PARD3: variants seen among roughly 807,000 people sequenced by gnomAD.
The protein encoded by PARD3 is par-3 family cell polarity regulator, also known as partitioning defective 3 homolog.
A neutral mutation model predicts 155.4 loss-of-function variants in PARD3; 75 were observed. The observed-to-expected ratio is 0.48, with a 90% CI of 0.40 to 0.58. The LOEUF (loss-of-function observed/expected upper bound fraction) is 0.58, where lower values mean the gene tolerates loss of function less well. PARD3 is among the 20% of genes least tolerant of loss of function. PARD3 has a pLI of 0.00. For missense variants in PARD3, 1,642 were observed against 1,721.7 expected (o/e 0.95, Z 0.82); for synonymous variants, 576 against 610.5 (o/e 0.94, Z 0.83).
intron 1 of PARD3, among the ~76,000 whole-genome samples, chr10:34,804,941 T>G (rs2134367097): frequency 6.6e-6 from 1 of 152,370 alleles, no homozygotes; most frequent in East Asian, 1.9e-4. Context: ...CAAGTTGATT[T>G]CTTAAGTGTT....
intron 19 of PARD3, among the ~76,000 whole-genome samples, chr10:34,328,109 G>A (rs1341352050): frequency 6.6e-6 from 1 of 152,182 alleles, no homozygotes; most frequent in African/African-American, 2.4e-5. Flanking sequence ...TCAGTTTTAT[G>A]TAAGCTGACA....
intron 1 of PARD3, among the ~76,000 whole-genome samples, chr10:34,798,291 C>T (rs557829151): frequency 6.6e-6 from 1 of 151,810 alleles, no homozygotes; most frequent in East Asian, 1.9e-4. Flanking sequence ...GATGGCACCA[C>T]TATACTCCAA....
At chr10:34,648,164 C>T (rs1474421277) in intron 2 of PARD3, among the ~76,000 whole-genome samples, 1 of 152,216 alleles carries the variant, frequency 6.6e-6, no homozygotes, top group Non-Finnish European at 1.5e-5. Flanking sequence ...TCTTAAAATG[C>T]ATATGTGAAC....
chr10:34,464,039 C>T (rs1051970115), intron 4 of PARD3, among the ~76,000 whole-genome samples: 1 of 151,586 alleles, frequency 6.6e-6, no homozygotes, highest in South Asian at 2.1e-4. Context: ...TGTCATTAAG[C>T]AAGGCATGAC....
At chr10:34,360,356 G>C in intron 12 of PARD3, 97 bp from the exon 13 acceptor site, 1 of 798,846 alleles carries the variant, frequency 1.3e-6, no homozygotes, top group Non-Finnish European at 2.0e-6. Context: ...TTAATCATAA[G>C]AGGCAAAATA....
chr10:34,500,828 G>A (rs1319077383), intron 3 of PARD3, among the ~76,000 whole-genome samples: 3 of 152,096 alleles, frequency 2.0e-5, no homozygotes, highest in African/African-American at 7.2e-5. Context: ...AGTAAAATAA[G>A]TCATACAGAA....
rs1009630162 is a variant in PARD3 at position 34,458,596 on chromosome 10, C to G, written c.583-8148G>C. ...GACCACTGCAATCCAGTCTGGGCAA[C>G]AGAGAGAGATCCTCTCTCAAAACAA... On this transcript the variant is annotated intron_variant, in intron 4 of 24. Coordinates refer to ENST00000374788, the MANE Select transcript of PARD3 (RefSeq NM_001184785.2). Among the ~76,000 whole-genome samples, 8 of 152,250 alleles carry G rather than the reference C, an allele frequency of 5.3e-5. No homozygotes were observed. The South Asian group carries it at 6.2e-4, about 12-fold the overall frequency.
At chr10:34,407,578 G>C (rs545644012) in intron 5 of PARD3, among the ~76,000 whole-genome samples, 5 of 152,172 alleles carry the variant, frequency 3.3e-5, no homozygotes, top group Non-Finnish European at 7.4e-5. Flanking sequence ...CCAATCAGTG[G>C]TTACTTTTGC....
In PARD3 at chr10:34,512,161, T is replaced by C. The variant is rs1174160807; in HGVS notation, c.403+4818A>G. Among the ~76,000 whole-genome samples, 7 of 152,186 alleles carry C rather than the reference T, an allele frequency of 4.6e-5. No individual in the cohort carries two copies. In the East Asian group the frequency reaches 1.3e-3, roughly 29 times the overall value. On this transcript the variant is annotated intron_variant, in intron 3 of 24. Transcript: ENST00000374788. ...AATAGTAATATTCCAATGCTACCAT[T>C]ATGTCTTCATTTATTAGCTGAAATA...
chr10:34,484,246 G>GAGC (rs1329702606), intron 3 of PARD3, among the ~76,000 whole-genome samples: 7 of 152,156 alleles, frequency 4.6e-5, no homozygotes, highest in African/African-American at 1.7e-4. Flanking sequence ...GTTCATGAAT[G>GAGC]AGCACAAAGG....
intron 1 of PARD3, among the ~76,000 whole-genome samples, chr10:34,728,517 A>G (rs1378936936): frequency 1.3e-5 from 2 of 152,202 alleles, no homozygotes; most frequent in African/African-American, 4.8e-5. Context: ...AATAATAAAA[A>G]TGGAAAATAT....
At chr10:34,795,743 A>C (rs1238623631) in intron 1 of PARD3, among the ~76,000 whole-genome samples, 2 of 152,032 alleles carry the variant, frequency 1.3e-5, no homozygotes, top group Non-Finnish European at 2.9e-5. Flanking sequence ...AAAAATACAA[A>C]ATCAGTCAGG....
intron 1 of PARD3, among the ~76,000 whole-genome samples, chr10:34,739,947 T>C (rs759629104): frequency 2.0e-5 from 3 of 151,516 alleles, no homozygotes; most frequent in Non-Finnish European, 2.9e-5. Context: ...AGAACCAGAG[T>C]TGGAAGGCAA....
chr10:34,489,809 T>G (rs1037819817), intron 3 of PARD3, among the ~76,000 whole-genome samples: 1 of 152,230 alleles, frequency 6.6e-6, no homozygotes, highest in African/African-American at 2.4e-5. Flanking sequence ...GCTAAGAACC[T>G]TAATGTCATG....
At chr10:34,671,196 G>T (rs1016916879) in intron 2 of PARD3, among the ~76,000 whole-genome samples, 2 of 152,200 alleles carry the variant, frequency 1.3e-5, no homozygotes, top group Admixed American at 6.5e-5. Context: ...TATAATTTCT[G>T]TTGCAATGTC....
At chr10:34,278,562 G>A (rs1956000310) in intron 21 of PARD3, among the ~76,000 whole-genome samples, 1 of 152,080 alleles carries the variant, frequency 6.6e-6, no homozygotes, top group Admixed American at 6.6e-5. Flanking sequence ...CTGTTCTTGT[G>A]ATAGTGACTT....
chr10:34,433,791 T>C (rs2076060872), intron 5 of PARD3, among the ~76,000 whole-genome samples: 3 of 152,080 alleles, frequency 2.0e-5, no homozygotes, highest in African/African-American at 7.2e-5. Context: ...GATATACAAA[T>C]TACAAGCAGA....
intron 22 of PARD3, among the ~76,000 whole-genome samples, chr10:34,166,067 A>G (rs1394115860): frequency 1.3e-5 from 2 of 152,184 alleles, no homozygotes; most frequent in Non-Finnish European, 2.9e-5. Context: ...ACCTTCCCTC[A>G]GATTCACTGA....
chr10:34,696,760 A>G (rs1259213448), intron 1 of PARD3, among the ~76,000 whole-genome samples: 7 of 151,168 alleles, frequency 4.6e-5, no homozygotes, highest in African/African-American at 1.7e-4. Flanking sequence ...TACTTATTAT[A>G]CTTATTAACC....
Sources: gnomAD v4.1 joint callset for allele counts (sites outside exome capture counted in the v4.1 genomes callset) on GRCh38, gnomAD v4.1.1 for gene constraint, MANE v1.5 for transcripts, NCBI Gene and HGNC (gene_info 2026-07-23, HGNC 2026-07-21) for gene names.